The following FBXL7 variants were observed in gnomAD, a reference collection of about 807,000 sequenced individuals.
The protein encoded by FBXL7 is F-box and leucine rich repeat protein 7.
FBXL7 carries 12 observed loss-of-function variants against 38.3 expected under a neutral mutation model. The observed-to-expected ratio is 0.31, with a 90% CI of 0.20 to 0.51. The LOEUF (loss-of-function observed/expected upper bound fraction) is 0.51. FBXL7 is among the 20% of genes least tolerant of loss of function. FBXL7 has a pLI of 0.98. For missense variants in FBXL7, 567 were observed against 676.4 expected, an observed-to-expected ratio of 0.84 and a Z score of 1.79; for synonymous variants, 297 against 300.9, an observed-to-expected ratio of 0.99 and a Z score of 0.13.
intron 2 of FBXL7, among the ~76,000 whole-genome samples, chr5:15,890,835 TAAAC>T (rs1486745697): frequency 6.6e-6 from 1 of 152,106 alleles, no homozygotes; most frequent in African/African-American, 2.4e-5. Flanking sequence ...CAAAACGCCA[TAAAC>T]AAATTCAGGA....
intron 2 of FBXL7, among the ~76,000 whole-genome samples, chr5:15,717,467 C>T (rs138875215): frequency 1.3e-5 from 2 of 152,226 alleles, no homozygotes; most frequent in African/African-American, 4.8e-5. Context: ...TGTCTGTCTG[C>T]ACCCACTCCA....
chr5:15,689,026 A>G (rs1743100274), intron 2 of FBXL7, among the ~76,000 whole-genome samples: 1 of 152,134 alleles, frequency 6.6e-6, no homozygotes, highest in Non-Finnish European at 1.5e-5. Flanking sequence ...CTCGTCCTCC[A>G]TCTCCCCAGA....
At chr5:15,915,778 T>G in intron 2 of FBXL7, among the ~76,000 whole-genome samples, 1 of 151,814 alleles carries the variant, frequency 6.6e-6, no homozygotes, top group East Asian at 1.9e-4. Flanking sequence ...ATTAGTAAGG[T>G]GAAGGGTGGG....
At chr5:15,545,862 G>A (rs1328807195) in intron 1 of FBXL7, among the ~76,000 whole-genome samples, 1 of 152,188 alleles carries the variant, frequency 6.6e-6, no homozygotes, top group Non-Finnish European at 1.5e-5. Context: ...CAGAGTGGAA[G>A]AGTTGAGCTA....
chr5:15,757,748 G>C (rs1365223708), intron 2 of FBXL7, among the ~76,000 whole-genome samples: 5 of 152,124 alleles, frequency 3.3e-5, no homozygotes, highest in East Asian at 1.9e-4. Flanking sequence ...GAGGATAGAA[G>C]TTGGTTACAT....
At chr5:15,818,411 A>G (rs934138106) in intron 2 of FBXL7, among the ~76,000 whole-genome samples, 2 of 152,188 alleles carry the variant, frequency 1.3e-5, no homozygotes, top group African/African-American at 2.4e-5. Context: ...GCTAATAGTG[A>G]TTCAGATTTG....
intron 1 of FBXL7, among the ~76,000 whole-genome samples, chr5:15,589,489 T>G (rs1422342213): frequency 6.6e-6 from 1 of 152,180 alleles, no homozygotes; most frequent in Non-Finnish European, 1.5e-5. Flanking sequence ...TTCCCGAGGC[T>G]TCCCCGGCTA....
At chr5:15,615,583 A>G (rs932959154) in intron 1 of FBXL7, among the ~76,000 whole-genome samples, 1 of 152,228 alleles carries the variant, frequency 6.6e-6, no homozygotes, top group African/African-American at 2.4e-5. Flanking sequence ...TCCTCTGATT[A>G]TGCCTTATTC....
intron 2 of FBXL7, among the ~76,000 whole-genome samples, chr5:15,630,993 T>C (rs1740978970): frequency 1.3e-5 from 2 of 152,192 alleles, no homozygotes; most frequent in South Asian, 4.1e-4. Context: ...CATATGCATT[T>C]AGCTTGTTTA....
At chr5:15,851,127 C>G (rs947847616) in intron 2 of FBXL7, among the ~76,000 whole-genome samples, 1 of 152,210 alleles carries the variant, frequency 6.6e-6, no homozygotes, top group African/African-American at 2.4e-5. Context: ...AGGATACACA[C>G]ACCCGGCCAT....
Position 15,937,753 on chromosome 5 carries a change from A to G in FBXL7, c.*567A>G, listed in dbSNP as rs1478405480. On this transcript the variant is annotated 3_prime_UTR_variant, in exon 4 of 4. Coordinates refer to ENST00000504595, the MANE Select transcript of FBXL7 (RefSeq NM_012304.5). ...CTTTTCAGGCCTTTTTAAAAAATTC[A>G]TTACAGCAAACAGCTGGGGAAGGAC... 6.5e-6 allele frequency: 1 copy of G among 152,800 alleles called. No homozygotes were observed. The highest frequency in any genetic ancestry group is 1.5e-5 in the Non-Finnish European group (1 of 68,588). 9.5% of individuals were successfully genotyped at this position (152,800 alleles called of 1,614,324 possible).
rs570032297 is a variant in FBXL7 at position 15,573,989 on chromosome 5, G to A, written c.38-41994G>A. Among the ~76,000 whole-genome samples the A allele has an allele frequency of 7.4e-4, 113 of 152,262 alleles. 1 individual carries two copies. Among genetic ancestry groups the A allele is most frequent in the Non-Finnish European group, 1.3e-3 (90 of 68,008 alleles). On this transcript the variant is annotated intron_variant, in intron 1 of 3. Coordinates refer to ENST00000504595, the MANE Select transcript of FBXL7 (RefSeq NM_012304.5). ...TTGTTCTTACATTCAGTATATTGCTGAGCCAGAACAAAACCCCTAAGTTCT... is the reference window on the plus strand; with the variant it reads ...TTGTTCTTACATTCAGTATATTGCTAAGCCAGAACAAAACCCCTAAGTTCT...
At chr5:15,728,091 T>G (rs1365065731) in intron 2 of FBXL7, among the ~76,000 whole-genome samples, 1 of 152,190 alleles carries the variant, frequency 6.6e-6, no homozygotes. Flanking sequence ...ATATCTTTGT[T>G]GACATTTTCA....
chr5:15,552,956 C>T (rs747780642), intron 1 of FBXL7, among the ~76,000 whole-genome samples: 8 of 152,244 alleles, frequency 5.3e-5, no homozygotes, highest in Admixed American at 2.0e-4. Flanking sequence ...ATGGCACGCA[C>T]CTATAGTCCC....
At chr5:15,543,588 A>G (rs1737817859) in intron 1 of FBXL7, among the ~76,000 whole-genome samples, 1 of 152,200 alleles carries the variant, frequency 6.6e-6, no homozygotes, top group African/African-American at 2.4e-5. Flanking sequence ...GGGCTAAATT[A>G]TGCACTCAAA....
At position 15,809,356 on chromosome 5, in the gene FBXL7, C is replaced by T. The variant is rs1176143704; in HGVS notation, c.128-118534C>T. Among the ~76,000 whole-genome samples, 6 of 152,244 alleles carry T rather than the reference C, an allele frequency of 3.9e-5. No homozygotes were observed. In the East Asian group the frequency reaches 5.8e-4, roughly 15 times the overall value. On this transcript the variant is annotated intron_variant, in intron 2 of 3. Coordinates refer to ENST00000504595, the MANE Select transcript of FBXL7 (RefSeq NM_012304.5). ...TCACTGTGGTTAAAAGCACAGAACC[C>T]GGGACCCAACAGACCTGGATTGAAA...
intron 1 of FBXL7, among the ~76,000 whole-genome samples, chr5:15,610,563 T>C (rs1236936798): frequency 6.6e-6 from 1 of 152,196 alleles, no homozygotes; most frequent in Non-Finnish European, 1.5e-5. Flanking sequence ...GAATTCCTTC[T>C]GTAACATTTC....
At chr5:15,926,095 G>T (rs997716683) in intron 2 of FBXL7, among the ~76,000 whole-genome samples, 1 of 152,056 alleles carries the variant, frequency 6.6e-6, no homozygotes, top group Non-Finnish European at 1.5e-5. Context: ...TTTTCAACCT[G>T]GGATATGTTA....
chr5:15,647,455 A>G (rs1248600904), intron 2 of FBXL7, among the ~76,000 whole-genome samples: 1 of 152,222 alleles, frequency 6.6e-6, no homozygotes, highest in Non-Finnish European at 1.5e-5. Flanking sequence ...CTCAAATAGT[A>G]GAAATCCAAA....
Sources: gnomAD v4.1 joint callset for allele counts (sites outside exome capture counted in the v4.1 genomes callset) on GRCh38, gnomAD v4.1.1 for gene constraint, MANE v1.5 for transcripts, NCBI Gene and HGNC (gene_info 2026-07-23, HGNC 2026-07-21) for gene names.